The following SNW1 variants were observed in gnomAD, a reference collection of about 807,000 sequenced individuals.
The protein encoded by SNW1 is SNW domain containing 1.
SNW1 carries 9 observed loss-of-function variants against 75.6 expected under a neutral mutation model. That is an observed-to-expected ratio of 0.12 (90% CI 0.07 to 0.21). The LOEUF (loss-of-function observed/expected upper bound fraction) is 0.21, where lower values mean the gene tolerates loss of function less well. SNW1 is among the 10% of genes least tolerant of loss of function. SNW1 has a pLI of 1.00. For missense variants in SNW1, 409 were observed against 670.9 expected, an observed-to-expected ratio of 0.61 and a Z score of 4.31; for synonymous variants, 200 against 219.1, an observed-to-expected ratio of 0.91 and a Z score of 0.77.
chr14:77,749,488 A>T (rs566511299), intron 3 of SNW1, among the ~76,000 whole-genome samples: 1 of 152,290 alleles, frequency 6.6e-6, no homozygotes, highest in South Asian at 2.1e-4. Flanking sequence ...AAGATAAGAA[A>T]GGCCAGGCAG....
chr14:77,734,034 C>G, intron 8 of SNW1: 2 of 331,034 alleles, frequency 6.0e-6, no homozygotes, highest in Non-Finnish European at 1.2e-5. Context: ...AGTCGGCAAC[C>G]TCTTTGTTTA....
intron 2 of SNW1, among the ~76,000 whole-genome samples, chr14:77,754,501 G>C (rs2080830079): frequency 6.6e-6 from 1 of 151,904 alleles, no homozygotes; most frequent in South Asian, 2.1e-4. Flanking sequence ...CAAATTAAAG[G>C]TAAGAAAACA....
intron 10 of SNW1, among the ~76,000 whole-genome samples, chr14:77,729,058 T>C (rs898651713): frequency 1.5e-4 from 23 of 152,188 alleles, no homozygotes; most frequent in African/African-American, 5.5e-4. Context: ...TATTAAGTCA[T>C]TCATATATAA....
At chr14:77,745,329 T>C (rs1187639527) in intron 3 of SNW1, among the ~76,000 whole-genome samples, 1 of 152,116 alleles carries the variant, frequency 6.6e-6, no homozygotes, top group Non-Finnish European at 1.5e-5. Flanking sequence ...AGAATATCCA[T>C]GGGAAGTCTC....
chr14:77,753,668 T>TG (rs2080823730), intron 2 of SNW1, among the ~76,000 whole-genome samples: 1 of 151,964 alleles, frequency 6.6e-6, no homozygotes, highest in African/African-American at 2.4e-5. Flanking sequence ...ATAAAGAGTG[T>TG]GGGGCAGGCG....
intron 1 of SNW1, among the ~76,000 whole-genome samples, chr14:77,757,444 A>G (rs941909366): frequency 6.6e-6 from 1 of 152,194 alleles, no homozygotes; most frequent in Admixed American, 6.5e-5. Context: ...AATAGTTCAT[A>G]AGAGTATCTA....
intron 11 of SNW1, chr14:77,721,223 A>G (rs2080538055): frequency 6.4e-6 from 1 of 157,138 alleles, no homozygotes; most frequent in African/African-American, 2.4e-5. Flanking sequence ...TAAATAAGCT[A>G]GAAACAGCTC....
In SNW1 at chr14:77,727,949, G is replaced by A. The variant is rs116687308; in HGVS notation, c.1033+3039C>T. Among the ~76,000 whole-genome samples, 1,202 of 151,812 alleles carry A rather than the reference G, an allele frequency of 7.9e-3. 9 individuals are homozygous for A. The highest frequency in any genetic ancestry group is 0.028 in the African/African-American group (1,157 of 41,364). On this transcript the variant is annotated intron_variant, in intron 10 of 13. Coordinates refer to ENST00000261531, the MANE Select transcript of SNW1 (RefSeq NM_012245.3). ...CCCTTCTCTTCAATTTTTTGGAATA[G>A]TCTGAGTAGAACTGGTATTTAGTTC...
chr14:77,760,670 C>A (rs1372479677), intron 1 of SNW1: 1 of 702,362 alleles, frequency 1.4e-6, no homozygotes, highest in Non-Finnish European at 2.6e-6. Flanking sequence ...TGTTTCGGGA[C>A]ACCCAGTGGA....
chr14:77,760,545 A>G, intron 1 of SNW1: 1 of 654,382 alleles, frequency 1.5e-6, no homozygotes, highest in Non-Finnish European at 2.8e-6. Flanking sequence ...TACGGAAGAA[A>G]TTCTAAGCTC....
chr14:77,725,914 T>G (rs1336507623), intron 10 of SNW1, among the ~76,000 whole-genome samples: 1 of 152,186 alleles, frequency 6.6e-6, no homozygotes, highest in Non-Finnish European at 1.5e-5. Context: ...AGACGTTGTC[T>G]CCAAACAATC....
intron 3 of SNW1, among the ~76,000 whole-genome samples, chr14:77,739,962 G>A (rs187944257): frequency 2.6e-5 from 4 of 151,500 alleles, no homozygotes; most frequent in South Asian, 2.1e-4. Flanking sequence ...GTGAAACCCC[G>A]TCTCTACTAA....
intron 2 of SNW1, among the ~76,000 whole-genome samples, chr14:77,751,839 CACACACCA>C (rs997410176): frequency 2.5e-5 from 3 of 118,616 alleles, no homozygotes; most frequent in African/African-American, 8.5e-5. Context: ...CACACACACA[CACACACCA>C]CACACACACA....
chr14:77,758,192 TGGTGGC>T (rs1014439120), intron 1 of SNW1, among the ~76,000 whole-genome samples: 3 of 151,254 alleles, frequency 2.0e-5, no homozygotes, highest in African/African-American at 7.3e-5. Context: ...TAGCCGGGCG[TGGTGGC>T]GGACGCCTGT....
intron 10 of SNW1, among the ~76,000 whole-genome samples, chr14:77,728,655 T>G (rs899816400): frequency 9.8e-5 from 15 of 152,294 alleles, no homozygotes; most frequent in African/African-American, 3.6e-4. Context: ...GGAGTACAGT[T>G]AAGAGCATAA....
At chr14:77,738,488 G>C (rs952472351) in intron 5 of SNW1, among the ~76,000 whole-genome samples, 2 of 151,696 alleles carry the variant, frequency 1.3e-5, no homozygotes, top group African/African-American at 4.8e-5. Context: ...ATCAAGGCAG[G>C]AGGATCACCT....
intron 3 of SNW1, among the ~76,000 whole-genome samples, chr14:77,749,263 T>C (rs1481555483): frequency 6.6e-6 from 1 of 152,130 alleles, no homozygotes; most frequent in Non-Finnish European, 1.5e-5. Flanking sequence ...AAAGAGAATG[T>C]GCTGTAAAAA....
At chr14:77,722,382 A>G (rs2080548490) in intron 11 of SNW1, 2 of 359,112 alleles carry the variant, frequency 5.6e-6, no homozygotes, top group African/African-American at 4.3e-5. Flanking sequence ...AAGTTAAACT[A>G]CTCCTAAAAA....
chr14:77,725,674 T>G (rs748190995), intron 10 of SNW1, among the ~76,000 whole-genome samples: 6 of 152,112 alleles, frequency 3.9e-5, no homozygotes, highest in Non-Finnish European at 8.8e-5. Flanking sequence ...GTAACGCACT[T>G]TGGGAGGCTG....
Sources: gnomAD v4.1 joint callset for allele counts (sites outside exome capture counted in the v4.1 genomes callset) on GRCh38, gnomAD v4.1.1 for gene constraint, MANE v1.5 for transcripts, NCBI Gene and HGNC (gene_info 2026-07-23, HGNC 2026-07-21) for gene names.